The following HNRNPC variants were observed in gnomAD, a reference collection of about 807,000 sequenced individuals.
HNRNPC encodes heterogeneous nuclear ribonucleoprotein C.
Under a neutral mutation model 33.2 loss-of-function variants are expected in HNRNPC, and 3 were observed. The observed-to-expected ratio is 0.09, with a 90% confidence interval of 0.04 to 0.23. HNRNPC has a LOEUF of 0.23. Among genes scored for constraint, HNRNPC ranks in the 10% least tolerant of loss-of-function variants. The pLI, the probability that HNRNPC is intolerant of heterozygous loss-of-function variation, is 1.00. For missense variants in HNRNPC, 143 were observed against 366.7 expected (o/e 0.39, Z 4.98); for synonymous variants, 121 against 126.7 (o/e 0.96, Z 0.30).
At chr14:21,230,690 A>T in intron 4 of HNRNPC, 1 of 480,064 alleles carries the variant, frequency 2.1e-6, no homozygotes. Context: ...CTAGTGTCTT[A>T]GAAGCTCAAC....
At chr14:21,242,829 TCAGA>T (rs1348399757) in intron 2 of HNRNPC, among the ~76,000 whole-genome samples, 1 of 152,168 alleles carries the variant, frequency 6.6e-6, no homozygotes, top group African/African-American at 2.4e-5. Context: ...GGGGAAACAA[TCAGA>T]CAATTTCAAG....
At chr14:21,237,162 G>C (rs1451538359) in intron 2 of HNRNPC, among the ~76,000 whole-genome samples, 2 of 152,190 alleles carry the variant, frequency 1.3e-5, no homozygotes, top group Non-Finnish European at 2.9e-5. Flanking sequence ...AGTCTCATAA[G>C]TAAACAAACC....
At chr14:21,227,990 G>A (rs1893671545) in intron 5 of HNRNPC, among the ~76,000 whole-genome samples, 1 of 152,136 alleles carries the variant, frequency 6.6e-6, no homozygotes, top group Non-Finnish European at 1.5e-5. Flanking sequence ...AACTCTGACT[G>A]GACAAAAGAA....
intron 2 of HNRNPC, chr14:21,254,496 A>G (rs1876782821): frequency 6.6e-6 from 1 of 152,172 alleles, no homozygotes; most frequent in African/African-American, 2.4e-5. Context: ...AAAATGTTCT[A>G]TGAGCATGTA....
intron 2 of HNRNPC, among the ~76,000 whole-genome samples, chr14:21,258,158 C>T (rs754192813): frequency 3.3e-5 from 5 of 152,042 alleles, no homozygotes; most frequent in African/African-American, 9.7e-5. Flanking sequence ...TTTGGGAAAT[C>T]GAGGTGGGCG....
rs1446160503 is a variant in HNRNPC, at chr14:21,209,249, GAAC to G, written c.*1971_*1973del. ...CTATGCCATTTTATGTAAGGGACTT[GAAC>G]ATCTGCAGATTGTGGTGTTCACAGC... On this transcript the variant is annotated 3_prime_UTR_variant, in exon 9 of 9. Transcript: ENST00000553300. The G allele has an allele frequency of 2.0e-5, 3 of 152,150 alleles. No individual in the cohort carries two copies. The highest frequency in any genetic ancestry group is 7.2e-5 in the African/African-American group (3 of 41,444). The allele number at this position is 152,150 out of a possible 1,614,324, so 9.4% of individuals were successfully genotyped here.
chr14:21,233,866 T>C, intron 3 of HNRNPC, 87 bp downstream of exon 3: 3 of 1,482,604 alleles, frequency 2.0e-6, no homozygotes, highest in Admixed American at 2.1e-5. Flanking sequence ...TCTCATGCTG[T>C]CAGTTTTACA....
intron 3 of HNRNPC, among the ~76,000 whole-genome samples, chr14:21,231,799 T>A (rs1317036422): frequency 6.6e-6 from 1 of 152,220 alleles, no homozygotes; most frequent in Non-Finnish European, 1.5e-5. Context: ...ACTCAGTTAC[T>A]ATTACAAGAG....
Position 21,211,858 on chromosome 14 carries a change from G to C in HNRNPC, c.589C>G (p.Leu197Val), listed in dbSNP as rs371315588. 2 of 1,612,970 alleles carry C rather than the reference G, an allele frequency of 1.2e-6. No individual in the cohort carries two copies. The highest frequency in any genetic ancestry group is 1.1e-5 in the South Asian group (1 of 91,038). ...TCAATTTTTTCCAGGTTTTCCAGGAGAGAATCCACTTTTTGTTTTATCTGG... is the reference window on the plus strand; with the variant it reads ...TCAATTTTTTCCAGGTTTTCCAGGACAGAATCCACTTTTTGTTTTATCTGG... ...LTQIKQKVDS[L>V]LENLEKIEKE... Residue 197 changes from leucine to valine, a missense_variant, in exon 7 of 9, where the codon CTC becomes GTC. Physicochemically the swap from Leu to Val is conservative, Grantham distance 32 (BLOSUM62 1). Coordinates refer to ENST00000553300, the MANE Select transcript of HNRNPC (RefSeq NM_004500.4).
intron 2 of HNRNPC, among the ~76,000 whole-genome samples, chr14:21,239,899 G>A (rs974038459): frequency 1.3e-5 from 2 of 152,110 alleles, no homozygotes; most frequent in Admixed American, 6.6e-5. Flanking sequence ...CAAAAAAAGC[G>A]GAAAAATAGT....
chr14:21,210,642 T>C lies in HNRNPC; in HGVS notation c.*581A>G, dbSNP rs1891501004. On this transcript the variant is annotated 3_prime_UTR_variant, in exon 9 of 9. Transcript: ENST00000553300. ...GGCTGTTCACAAAAATAACCCACAGTATCAACTTTAGAAAACAAATCTTAA... is the reference window on the plus strand; with the variant it reads ...GGCTGTTCACAAAAATAACCCACAGCATCAACTTTAGAAAACAAATCTTAA... 1 of 152,384 alleles carries C rather than the reference T, an allele frequency of 6.6e-6. No homozygotes were observed. The highest frequency in any genetic ancestry group is 2.4e-5 in the African/African-American group (1 of 41,352). The allele number at this position is 152,384 out of a possible 1,614,324, so 9.4% of individuals were successfully genotyped here.
rs149608185 is a variant in HNRNPC, at chr14:21,229,209, T to C, written c.365+1110A>G. ...ATCGAGATCATCCTGGCTAACACGA[T>C]GAAGCCCCGTCTCTACTAAAAATAC... On this transcript the variant is annotated intron_variant, in intron 5 of 8. Coordinates refer to ENST00000553300, the MANE Select transcript of HNRNPC (RefSeq NM_004500.4). Among the ~76,000 whole-genome samples the C allele has an allele frequency of 5.2e-3, 777 of 150,810 alleles. 6 individuals are homozygous for C. Among genetic ancestry groups the C allele is most frequent in the African/African-American group, 0.018 (745 of 40,956 alleles).
chr14:21,231,319 G>GA (rs1321319837), intron 3 of HNRNPC: 2 of 600,360 alleles, frequency 3.3e-6, no homozygotes, highest in South Asian at 3.0e-5. Context: ...ACGAAGTTTA[G>GA]AAAATCACAC....
intron 5 of HNRNPC, among the ~76,000 whole-genome samples, chr14:21,220,348 CCTGCCTCAGCCTTGTA>C (rs1892686988): frequency 6.6e-6 from 1 of 151,632 alleles, no homozygotes; most frequent in Non-Finnish European, 1.5e-5. Flanking sequence ...AAGTGATTCT[CCTGCCTCAGCCTTGTA>C]CTACAGGCGC....
chr14:21,219,496 C>T (rs1161859204), intron 5 of HNRNPC, among the ~76,000 whole-genome samples: 1 of 152,156 alleles, frequency 6.6e-6, no homozygotes, highest in Non-Finnish European at 1.5e-5. Context: ...ACCGCTAATT[C>T]AAAAAGACGT....
intron 5 of HNRNPC, among the ~76,000 whole-genome samples, chr14:21,228,242 G>A (rs545592190): frequency 6.6e-6 from 1 of 152,318 alleles, no homozygotes; most frequent in East Asian, 1.9e-4. Flanking sequence ...GGAATGCTAA[G>A]CTTGTCGGAG....
chr14:21,243,498 G>C (rs964217315), intron 2 of HNRNPC, among the ~76,000 whole-genome samples: 1 of 152,194 alleles, frequency 6.6e-6, no homozygotes, highest in Non-Finnish European at 1.5e-5. Flanking sequence ...ATATACACCA[G>C]ATTGCACACT....
At chr14:21,242,726 TAACA>T (rs1476626142) in intron 2 of HNRNPC, among the ~76,000 whole-genome samples, 5 of 152,178 alleles carry the variant, frequency 3.3e-5, no homozygotes, top group African/African-American at 1.2e-4. Flanking sequence ...TAGGACAACC[TAACA>T]TTGCATGCCT....
intron 8 of HNRNPC, 50 bp from the exon 9 acceptor site, chr14:21,211,356 C>T (rs1334253808): frequency 1.2e-6 from 2 of 1,612,498 alleles, no homozygotes; most frequent in East Asian, 4.5e-5. Context: ...CTCCATGTGT[C>T]CCTGAGCCCC....
Sources: gnomAD v4.1 joint callset for allele counts (sites outside exome capture counted in the v4.1 genomes callset) on GRCh38, gnomAD v4.1.1 for gene constraint, MANE v1.5 for transcripts, NCBI Gene and HGNC (gene_info 2026-07-23, HGNC 2026-07-21) for gene names.